PRH1: variants seen among roughly 807,000 people sequenced by gnomAD.
PRH1 encodes the protein salivary acidic proline-rich phosphoprotein 1/2.
PRH1 carries 7 observed loss-of-function variants against 7.9 expected under a neutral mutation model. The ratio of observed to expected loss-of-function variants is 0.89; its 90% CI spans 0.50 to 1.67. The LOEUF is 1.67. PRH1 is among the 40% of genes most tolerant of loss of function. PRH1 has a pLI of 0.00. For missense variants in PRH1, 109 were observed against 223.6 expected, an observed-to-expected ratio of 0.49 and a Z score of 3.27; for synonymous variants, 45 against 80.8, an observed-to-expected ratio of 0.56 and a Z score of 2.38.
chr12:10,969,454 C>T (rs1385030552), intron 2 of PRH1, among the ~76,000 whole-genome samples: 3 of 152,110 alleles, frequency 2.0e-5, no homozygotes, highest in African/African-American at 7.2e-5. Context: ...GCTGAGGACC[C>T]GCCCTTTTCT....
chr12:11,087,165 A>G (rs189295708), intron 1 of PRH1, among the ~76,000 whole-genome samples: 3,329 of 84,662 alleles, frequency 0.039, 792 homozygotes, highest in South Asian at 0.051. Context: ...ACAGTGGCAC[A>G]ATCATAGCCC....
chr12:11,149,997 A>C (rs113469480), intron 1 of PRH1, among the ~76,000 whole-genome samples: 15,758 of 82,740 alleles, frequency 0.19, 2,226 homozygotes, highest in Non-Finnish European at 0.24. Flanking sequence ...ACCCCATCAA[A>C]AAGTGGGCAA....
downstream of PRH1, among the ~76,000 whole-genome samples, chr12:11,119,409 C>T (rs1009206098): frequency 7.9e-5 from 12 of 151,692 alleles, no homozygotes; most frequent in Non-Finnish European, 1.2e-4. Flanking sequence ...TACATTTTAA[C>T]GTAACTAAAA....
intron 1 of PRH1, chr12:11,061,797 G>A (rs1565609373): frequency 1.9e-6 from 3 of 1,614,156 alleles, no homozygotes; most frequent in Non-Finnish European, 2.5e-6. Context: ...TCCTCAGTTT[G>A]ATCTTCCAAG....
At chr12:11,111,108 C>T (rs1002804434) in intron 1 of PRH1, among the ~76,000 whole-genome samples, 52 of 152,154 alleles carry the variant, frequency 3.4e-4, no homozygotes, top group African/African-American at 1.2e-3. Context: ...GCTAACTATC[C>T]TAAATATATG....
In PRH1 at chr12:11,168,213, G is replaced by GAAAGA. The variant is rs11381862; in HGVS notation, n.39+3208_39+3209insTCTTT. Among the ~76,000 whole-genome samples, 11 of 19,662 alleles carry GAAAGA rather than the reference G, an allele frequency of 5.6e-4. 1 individual carries two copies. Among genetic ancestry groups the GAAAGA allele is most frequent in the East Asian group, 4.9e-3 (3 of 616 alleles). 12.9% of individuals were successfully genotyped at this position (19,662 alleles called of 152,430 possible). Reference sequence around the variant, plus strand: ...CATGGCAAAAAACGAAAGAAAGAAAGAAGAAAGAAAGAAAGAAAGAAAGAA... The same window carrying GAAAGA: ...CATGGCAAAAAACGAAAGAAAGAAAGAAAGAAAGAAAGAAAGAAAGAAAGAAAGAA... On this transcript the variant is annotated intron_variant and non_coding_transcript_variant, in intron 1 of 1. Coordinates refer to the PRH1 transcript ENST00000541175.
intron 2 of PRH1, chr12:10,930,441 C>A: frequency 1.4e-6 from 2 of 1,459,608 alleles, no homozygotes; most frequent in Non-Finnish European, 1.9e-6. Flanking sequence ...AGTTTTCTCC[C>A]AACCTTGATT....
At chr12:10,962,434 C>T (rs1016813455) in intron 2 of PRH1, among the ~76,000 whole-genome samples, 2 of 152,012 alleles carry the variant, frequency 1.3e-5, no homozygotes, top group Non-Finnish European at 2.9e-5. Flanking sequence ...TTTGATGTTC[C>T]ACCTTATCTC....
intron 1 of PRH1, among the ~76,000 whole-genome samples, chr12:11,124,570 T>C (rs1377564999): frequency 6.6e-6 from 1 of 152,284 alleles, no homozygotes; most frequent in Non-Finnish European, 1.5e-5. Context: ...TAAATCTAAA[T>C]GTATTCAACT....
rs931847854 is a variant in PRH1, at chr12:11,133,355, A to T, written n.40-12175T>A. Reference sequence around the variant, plus strand: ...GCTTCTGTCTTTCACCCAGTACCTCACATGCCGCAAAACTGAAAGAAAAAT... The same window carrying T: ...GCTTCTGTCTTTCACCCAGTACCTCTCATGCCGCAAAACTGAAAGAAAAAT... On this transcript the variant is annotated intron_variant and non_coding_transcript_variant, in intron 1 of 1. Transcript: ENST00000541175. The T allele has an allele frequency of 6.2e-7, 1 of 1,613,826 alleles. No individual in the cohort carries two copies. The highest frequency in any genetic ancestry group is 8.5e-7 in the Non-Finnish European group (1 of 1,179,814).
downstream of PRH1, among the ~76,000 whole-genome samples, chr12:11,118,810 T>C (rs1276065537): frequency 1.3e-5 from 2 of 152,066 alleles, no homozygotes; most frequent in East Asian, 1.9e-4. Context: ...CTGGCCAACA[T>C]GGTGAAACCC....
chr12:11,058,504 G>A (rs1289095600), intron 1 of PRH1, among the ~76,000 whole-genome samples: 1 of 152,286 alleles, frequency 6.6e-6, no homozygotes, highest in Non-Finnish European at 1.5e-5. Context: ...GGGGCCTACT[G>A]GGATTTTGGA....
intron 2 of PRH1, chr12:10,938,654 A>G: frequency 3.1e-6 from 5 of 1,614,014 alleles, no homozygotes; most frequent in East Asian, 2.2e-5. Context: ...GAAAATGAAC[A>G]CAGTGCTGGT....
intron 2 of PRH1, among the ~76,000 whole-genome samples, chr12:10,918,073 A>G (rs144231511): frequency 0.016 from 2,493 of 152,328 alleles, 21 homozygotes; most frequent in South Asian, 0.031. Context: ...CTTTGCAGGG[A>G]CATGGATGAA....
At chr12:11,077,362 A>T in intron 1 of PRH1, 1 of 405,000 alleles carries the variant, frequency 2.5e-6, no homozygotes, top group Non-Finnish European at 4.5e-6. Flanking sequence ...GACCTGACAT[A>T]AAACTGAAAG....
chr12:11,073,365 C>A (rs4589382), intron 1 of PRH1, among the ~76,000 whole-genome samples: 1 of 117,194 alleles, frequency 8.5e-6, no homozygotes, highest in East Asian at 2.3e-4. Flanking sequence ...AACTCATGGC[C>A]TCAAGTGATC....
intron 1 of PRH1, among the ~76,000 whole-genome samples, chr12:11,146,488 A>C (rs531853814): frequency 3.7e-4 from 57 of 152,182 alleles, no homozygotes; most frequent in Non-Finnish European, 6.9e-4. Context: ...CCTAGTTTTA[A>C]TACTCTTTCT....
At chr12:11,129,892 T>G (rs1946279270) in intron 1 of PRH1, among the ~76,000 whole-genome samples, 1 of 152,274 alleles carries the variant, frequency 6.6e-6, no homozygotes. Flanking sequence ...GGCATATGAC[T>G]GTAATCCCAA....
chr12:11,133,198 T>C (rs1394217781), intron 1 of PRH1: 4 of 1,494,560 alleles, frequency 2.7e-6, no homozygotes, highest in African/African-American at 1.4e-5. Flanking sequence ...TTTCTAGGTA[T>C]ACATGTGGAA....
Sources: gnomAD v4.1 joint callset for allele counts (sites outside exome capture counted in the v4.1 genomes callset) on GRCh38, gnomAD v4.1.1 for gene constraint, MANE v1.5 for transcripts, NCBI Gene and HGNC (gene_info 2026-07-23, HGNC 2026-07-21) for gene names.